CYP4V2: variants seen among roughly 807,000 people sequenced by gnomAD.
CYP4V2 encodes cytochrome P450 family 4 subfamily V member 2, also known as cytochrome P450 4V2.
Under a neutral mutation model 60.8 loss-of-function variants are expected in CYP4V2, and 55 were observed. The observed-to-expected ratio is 0.90, with a 90% CI of 0.73 to 1.13. CYP4V2 has a LOEUF of 1.13. Among genes scored for constraint, CYP4V2 ranks in the 50% most tolerant of loss-of-function variants. The probability of loss-of-function intolerance (pLI) is 0.00; values close to 1 mark genes in which losing one functional copy is unlikely to be tolerated. For synonymous variants in CYP4V2, 239 were observed against 236.8 expected, an observed-to-expected ratio of 1.01 and a Z score of -0.08; for missense variants, 675 against 662.9, an observed-to-expected ratio of 1.02 and a Z score of -0.20.
intron 3 of CYP4V2, chr4:186,196,619 G>A (rs912559895): frequency 6.1e-6 from 2 of 327,794 alleles, no homozygotes. Flanking sequence ...GATGGAAGGA[G>A]AAATAAATTT....
In CYP4V2 at chr4:186,205,180, A is replaced by G. The variant is rs781744552; in HGVS notation, c.988-20A>G. On this transcript the variant is annotated intron_variant, in intron 7 of 10. Coordinates refer to ENST00000378802, the MANE Select transcript of CYP4V2 (RefSeq NM_207352.4). ...GCAGCATAACTCTGCTTTTTAAGCTATTGTTTTCTGCATTTGTAGGGGCAC... is the reference window on the plus strand; with the variant it reads ...GCAGCATAACTCTGCTTTTTAAGCTGTTGTTTTCTGCATTTGTAGGGGCAC... The G allele has an allele frequency of 2.5e-6, 4 of 1,611,530 alleles. No individual in the cohort carries two copies. The highest frequency in any genetic ancestry group is 2.5e-6 in the Non-Finnish European group (3 of 1,177,706).
chr4:186,195,526 C>T lies in CYP4V2; in HGVS notation c.328-477C>T, dbSNP rs181419359. 5.3e-5 allele frequency among the ~76,000 whole-genome samples: 8 copies of T among 152,296 alleles called. No individual in the cohort carries two copies. Among genetic ancestry groups the T allele is most frequent in the African/African-American group, 1.4e-4 (6 of 41,564 alleles). The stretch of plus-strand genomic sequence containing the variant: ...TCACGTTCATGGCTTCCATTGCTGC[C>T]TCTATGCTGGGGACACTCCGAACAG... On this transcript the variant is annotated intron_variant, in intron 2 of 10. Transcript: ENST00000378802. The surrounding 1 kb of genome is among the most constrained non-coding windows in gnomAD (Gnocchi z 4.1).
rs760168987 is a variant in CYP4V2, at chr4:186,209,452, A to G, written c.1405+180A>G. ...TTTTAAAATATTACGGTCAAAAGGT[A>G]TATTAGTATATTCGCCTGCATGGGC... On this transcript the variant is annotated intron_variant, in intron 10 of 10. Coordinates refer to ENST00000378802, the MANE Select transcript of CYP4V2 (RefSeq NM_207352.4). Among the ~76,000 whole-genome samples, 11 of 152,190 alleles carry G rather than the reference A, an allele frequency of 7.2e-5. No homozygotes were observed. In the South Asian group the frequency reaches 1.9e-3, roughly 26 times the overall value.
Position 186,195,969 on chromosome 4 carries a change from G to A in CYP4V2, c.328-34G>A. 5.4e-6 allele frequency: 8 copies of A among 1,486,438 alleles called. No homozygotes were observed. The highest frequency in any genetic ancestry group is 1.8e-4 in the Middle Eastern group (1 of 5,494). The allele number at this position is 1,486,438 out of a possible 1,614,324, so 92.1% of individuals were successfully genotyped here. Reference sequence around the variant, plus strand: ...ATTACAGGAAGGTTGTTTGATGTCTGTATGTCTCTAAAGTATGTTTTTCTC... The same window carrying A: ...ATTACAGGAAGGTTGTTTGATGTCTATATGTCTCTAAAGTATGTTTTTCTC... On this transcript the variant is annotated intron_variant, in intron 2 of 10. Coordinates refer to ENST00000378802, the MANE Select transcript of CYP4V2 (RefSeq NM_207352.4). This position sits in a 1 kb window ranked among gnomAD's most constrained non-coding sequence, Gnocchi z 4.1.
chr4:186,201,093 A>C, intron 6 of CYP4V2, 64 bp from the exon 7 acceptor site: 1 of 1,493,876 alleles, frequency 6.7e-7, no homozygotes, highest in South Asian at 1.2e-5. Flanking sequence ...TTATAAGAAA[A>C]TGTGTTAACT....
chr4:186,191,898 C>G lies in CYP4V2; in HGVS notation c.75C>G (p.Ala25=), dbSNP rs983256423. The change falls in exon 1 of 11, where the codon GCC becomes GCG. Residue 25 remains alanine, a synonymous_variant. Coordinates refer to ENST00000378802, the MANE Select transcript of CYP4V2 (RefSeq NM_207352.4). ...GCGCGGCGAGTGCCCTTTCCCTGGCCGGCGCCAGTCTGGTCCTGAGCCTGC... is the reference window on the plus strand; with the variant it reads ...GCGCGGCGAGTGCCCTTTCCCTGGCGGGCGCCAGTCTGGTCCTGAGCCTGC... ...LWGAASALSL[A]GASLVLSLLQ... 1 of 1,591,714 alleles carries G rather than the reference C, an allele frequency of 6.3e-7. No individual in the cohort carries two copies. The highest frequency in any genetic ancestry group is 2.3e-5 in the East Asian group (1 of 43,924).
chr4:186,205,452 C>T (rs1480742335), intron 8 of CYP4V2, 150 bp downstream of exon 8: 1 of 822,732 alleles, frequency 1.2e-6, no homozygotes, highest in African/African-American at 1.7e-5. Context: ...TCCATTCACT[C>T]ACAGGCCTCT....
At chr4:186,202,914 CCACATGCA>C (rs1319127335) in intron 7 of CYP4V2, 1 of 136,564 alleles carries the variant, frequency 7.3e-6, no homozygotes, top group Non-Finnish European at 1.5e-5. Context: ...ACACATATAC[CCACATGCA>C]CACATGCATG....
Position 186,205,188 on chromosome 4 carries a change from C to T in CYP4V2, c.988-12C>T, listed in dbSNP as rs753174188. On this transcript the variant is annotated splice_polypyrimidine_tract_variant and intron_variant, in intron 7 of 10. Coordinates refer to ENST00000378802, the MANE Select transcript of CYP4V2 (RefSeq NM_207352.4). ...ACTCTGCTTTTTAAGCTATTGTTTT[C>T]TGCATTTGTAGGGGCACGATACAAC... 39 of 1,613,658 alleles carry T rather than the reference C, an allele frequency of 2.4e-5. No homozygotes were observed. Among genetic ancestry groups the T allele is most frequent in the Middle Eastern group, 1.6e-4 (1 of 6,082 alleles).
intron 1 of CYP4V2, chr4:186,192,306 T>A: frequency 1.5e-6 from 1 of 677,184 alleles, no homozygotes; most frequent in South Asian, 1.5e-5. Flanking sequence ...ACCTCACCGC[T>A]GCTCAGCTCT....
At chr4:186,202,121 T>C (rs953091074) in intron 7 of CYP4V2, 5 of 152,268 alleles carry the variant, frequency 3.3e-5, no homozygotes, top group African/African-American at 1.2e-4. Flanking sequence ...GATGGGTCTT[T>C]CGATCCGAGT....
At chr4:186,204,534 G>C (rs1736439178) in intron 7 of CYP4V2, 1 of 183,594 alleles carries the variant, frequency 5.4e-6, no homozygotes, top group Non-Finnish European at 1.2e-5. Flanking sequence ...CTTTGTCATC[G>C]GACACGCCGC....
At chr4:186,197,279 G>T (rs1362477121) in intron 4 of CYP4V2, 149 bp downstream of exon 4, 5 of 1,029,478 alleles carry the variant, frequency 4.9e-6, no homozygotes, top group Non-Finnish European at 7.3e-6. Flanking sequence ...GGCCTTCTGA[G>T]GAGCAGCAGC....
chr4:186,201,401 T>C, intron 7 of CYP4V2, 59 bp downstream of exon 7: 2 of 1,558,036 alleles, frequency 1.3e-6, no homozygotes, highest in Non-Finnish European at 1.8e-6. Flanking sequence ...TGTTAGAATC[T>C]TTAGCATTAT....
chr4:186,205,141 C>A, intron 7 of CYP4V2, 59 bp from the exon 8 acceptor site: 1 of 1,509,246 alleles, frequency 6.6e-7, no homozygotes, highest in South Asian at 1.1e-5. Context: ...GGTTTCTGGT[C>A]ACTCCTAATC....
intron 1 of CYP4V2, among the ~76,000 whole-genome samples, chr4:186,192,967 T>C (rs1238692896): frequency 1.3e-5 from 2 of 152,200 alleles, no homozygotes; most frequent in African/African-American, 4.8e-5. Context: ...TTGTTTTCTC[T>C]AATAAAAATA....
In CYP4V2 at chr4:186,210,468, G is replaced by A; in HGVS notation, c.1406-1G>A. 6.2e-7 allele frequency: 1 copy of A among 1,614,060 alleles called. No individual in the cohort carries two copies. Among genetic ancestry groups the A allele is most frequent in the South Asian group, 1.1e-5 (1 of 91,066 alleles). ...GCGATGGTATCTACATTAATTTGAA[G>A]GTCAAAAGTTTGCTGTGATGGAAGA... On this transcript the variant is annotated splice_acceptor_variant, in intron 10 of 10. Coordinates refer to ENST00000378802, the MANE Select transcript of CYP4V2 (RefSeq NM_207352.4). LOFTEE classifies it high-confidence loss of function.
chr4:186,192,491 T>C (rs568327746), intron 1 of CYP4V2: 37 of 321,954 alleles, frequency 1.1e-4, no homozygotes, highest in Middle Eastern at 7.3e-4. Flanking sequence ...CCTCCCGGCA[T>C]CACAAGACTT....
intron 7 of CYP4V2, chr4:186,202,648 TCATGCACATACA>T (rs1282978346): frequency 3.5e-5 from 5 of 143,084 alleles, no homozygotes; most frequent in African/African-American, 7.6e-5. Context: ...ACACATATGC[TCATGCACATACA>T]CATGCACAGA....
Sources: allele counts gnomAD v4.1 joint callset (sites outside exome capture counted in the v4.1 genomes callset), GRCh38; gene constraint gnomAD v4.1.1; non-coding constraint Gnocchi (gnomAD v3.1); transcripts MANE v1.5; gene names NCBI Gene and HGNC (gene_info 2026-07-23, HGNC 2026-07-21).